The following RTN4RL1 variants were observed in gnomAD, a reference collection of about 807,000 sequenced individuals.
RTN4RL1 encodes reticulon 4 receptor like 1, also known as reticulon-4 receptor-like 1.
A neutral mutation model predicts 25.6 loss-of-function variants in RTN4RL1; 7 were observed. The ratio of observed to expected loss-of-function variants is 0.27; its 90% CI spans 0.16 to 0.51. The LOEUF is 0.51. RTN4RL1 is among the 20% of genes least tolerant of loss of function. The pLI, the probability that RTN4RL1 is intolerant of heterozygous loss-of-function variation, is 0.97. For synonymous variants in RTN4RL1, 297 were observed against 288.2 expected, an observed-to-expected ratio of 1.03 and a Z score of -0.31; for missense variants, 500 against 615.6, an observed-to-expected ratio of 0.81 and a Z score of 1.99.
In RTN4RL1 at chr17:1,998,849, G is replaced by A. The variant is rs967199402; in HGVS notation, c.13+26004C>T. 3.3e-5 allele frequency among the ~76,000 whole-genome samples: 5 copies of A among 151,852 alleles called. No individual in the cohort carries two copies. The highest frequency in any genetic ancestry group is 5.9e-5 in the Non-Finnish European group (4 of 67,996). On this transcript the variant is annotated intron_variant, in intron 1 of 1. Coordinates refer to ENST00000331238, the MANE Select transcript of RTN4RL1 (RefSeq NM_178568.4). This position sits in a 1 kb window ranked among gnomAD's most constrained non-coding sequence, Gnocchi z 4.9. ...GGACGCGGGTTTGACGCACTTTCCC[G>A]GCAGCCGAAGACGACCCCGGAGCCC...
At chr17:1,997,157 G>A (rs2066932959) in intron 1 of RTN4RL1, among the ~76,000 whole-genome samples, 1 of 152,210 alleles carries the variant, frequency 6.6e-6, no homozygotes, top group African/African-American at 2.4e-5. Flanking sequence ...ACTGCACTTA[G>A]AACAAAATCC....
chr17:1,974,299 G>C (rs935998474), intron 1 of RTN4RL1, among the ~76,000 whole-genome samples: 1 of 152,038 alleles, frequency 6.6e-6, no homozygotes, highest in Admixed American at 6.5e-5. Flanking sequence ...GCAGAGATGA[G>C]AGGATGGCTT....
At chr17:1,984,822 C>G (rs1297540087) in intron 1 of RTN4RL1, among the ~76,000 whole-genome samples, 1 of 152,118 alleles carries the variant, frequency 6.6e-6, no homozygotes, top group Non-Finnish European at 1.5e-5. Context: ...CAAAAATTAG[C>G]CGGGCGTGGT....
intron 1 of RTN4RL1, among the ~76,000 whole-genome samples, chr17:1,947,497 C>G (rs1915581310): frequency 6.6e-6 from 1 of 152,220 alleles, no homozygotes; most frequent in South Asian, 2.1e-4. Context: ...CAACTCCCGC[C>G]CTCCTCCCGA....
intron 1 of RTN4RL1, chr17:2,020,345 A>G (rs772828857): frequency 6.6e-6 from 1 of 152,196 alleles, no homozygotes; most frequent in African/African-American, 2.4e-5. Flanking sequence ...GGGCAGCTAC[A>G]TTACTATAGC....
chr17:2,005,766 CTTCT>C (rs1478346654), intron 1 of RTN4RL1, among the ~76,000 whole-genome samples: 15 of 96,178 alleles, frequency 1.6e-4, no homozygotes, highest in Non-Finnish European at 2.8e-4. Flanking sequence ...TCTCTCTCTC[CTTCT>C]CTTTCTTTTT....
intron 1 of RTN4RL1, among the ~76,000 whole-genome samples, chr17:1,963,208 A>G (rs2066773863): frequency 6.6e-6 from 1 of 152,180 alleles, no homozygotes; most frequent in African/African-American, 2.4e-5. Flanking sequence ...GGCCCTCCCC[A>G]GCCTCATCTT....
intron 1 of RTN4RL1, among the ~76,000 whole-genome samples, chr17:1,939,494 C>A (rs1464525701): frequency 6.6e-6 from 1 of 152,132 alleles, no homozygotes; most frequent in Non-Finnish European, 1.5e-5. Flanking sequence ...TCAGGCGAGG[C>A]TGCCCCAATC....
chr17:1,980,335 C>T (rs552764339), intron 1 of RTN4RL1, among the ~76,000 whole-genome samples: 3 of 151,874 alleles, frequency 2.0e-5, no homozygotes, highest in Non-Finnish European at 2.9e-5. Flanking sequence ...CCTCCCAAAC[C>T]GCTAAGATTA....
rs140077053 is a variant in RTN4RL1 at position 1,939,308 on chromosome 17, G to A, written c.14-1500C>T. ...GTGGAGCTTGCAGTGAGCTGAGATC[G>A]TGCCACTGCACTCCAGCCTGGGCGA... On this transcript the variant is annotated intron_variant, in intron 1 of 1. Transcript: ENST00000331238. 1.8e-3 allele frequency among the ~76,000 whole-genome samples: 270 copies of A among 152,052 alleles called. 10 individuals carry two copies. The East Asian group carries it at 0.042, about 24-fold the overall frequency.
chr17:2,013,480 C>T (rs996313626), intron 1 of RTN4RL1, among the ~76,000 whole-genome samples: 1 of 152,190 alleles, frequency 6.6e-6, no homozygotes, highest in Non-Finnish European at 1.5e-5. Context: ...ACAGAGCAGG[C>T]CAACTGTGCT....
intron 1 of RTN4RL1, among the ~76,000 whole-genome samples, chr17:1,973,268 G>A (rs1279542245): frequency 6.6e-6 from 1 of 152,000 alleles, no homozygotes; most frequent in Non-Finnish European, 1.5e-5. Flanking sequence ...GGGAGGCTGA[G>A]GTGGGAGAAT....
At chr17:1,957,992 T>G (rs7359650) in intron 1 of RTN4RL1, among the ~76,000 whole-genome samples, 1 of 151,456 alleles carries the variant, frequency 6.6e-6, no homozygotes, top group African/African-American at 2.4e-5. Flanking sequence ...GCCTGGGTAA[T>G]GCAGTGAGAC....
intron 1 of RTN4RL1, among the ~76,000 whole-genome samples, chr17:1,973,944 C>T (rs572812872): frequency 6.8e-6 from 1 of 146,974 alleles, no homozygotes; most frequent in African/African-American, 2.5e-5. Context: ...GAGGCTGAGG[C>T]AGGAGAATAG....
rs987326895 is a variant in RTN4RL1, at chr17:1,934,914, C to G, written c.*1582G>C. On this transcript the variant is annotated 3_prime_UTR_variant, in exon 2 of 2. Transcript: ENST00000331238. The surrounding 1 kb of genome is among the most constrained non-coding windows in gnomAD (Gnocchi z 4.0). Reference sequence around the variant, plus strand: ...CTTCTGACCCCTGAGTCCGGCCTCCCGAGCCTCTGCCTGCACCCTGAGCAT... The same window carrying G: ...CTTCTGACCCCTGAGTCCGGCCTCCGGAGCCTCTGCCTGCACCCTGAGCAT... 6 of 152,440 alleles carry G rather than the reference C, an allele frequency of 3.9e-5. No homozygotes were observed. The highest frequency in any genetic ancestry group is 1.4e-4 in the African/African-American group (6 of 41,436). The allele number at this position is 152,440 out of a possible 1,614,324, so 9.4% of individuals were successfully genotyped here. A position where few individuals can be genotyped will look rare whatever the true frequency, so the allele number is the denominator to read the frequency against.
In RTN4RL1 at chr17:1,998,839, G is replaced by A. The variant is rs1447950983; in HGVS notation, c.13+26014C>T. 6.6e-6 allele frequency among the ~76,000 whole-genome samples: 1 copy of A among 151,888 alleles called. No homozygotes were observed. Among genetic ancestry groups the A allele is most frequent in the Non-Finnish European group, 1.5e-5 (1 of 68,004 alleles). On this transcript the variant is annotated intron_variant, in intron 1 of 1. Coordinates refer to ENST00000331238, the MANE Select transcript of RTN4RL1 (RefSeq NM_178568.4). The surrounding 1 kb of genome is among the most constrained non-coding windows in gnomAD (Gnocchi z 4.9). The stretch of plus-strand genomic sequence containing the variant: ...AAAACGCTGGGGACGCGGGTTTGAC[G>A]CACTTTCCCGGCAGCCGAAGACGAC...
In RTN4RL1 at chr17:1,969,467, T is replaced by G. The variant is rs566841429; in HGVS notation, c.14-31659A>C. On this transcript the variant is annotated intron_variant, in intron 1 of 1. Transcript: ENST00000331238. ...TTTCCCTCATTTTTGTCCCCACTTC[T>G]AACTTCAGACCAACCAGAGAGAAAG... Among the ~76,000 whole-genome samples the G allele has an allele frequency of 8.9e-4, 135 of 152,272 alleles. 1 individual carries two copies. In the Middle Eastern group the frequency reaches 0.014, roughly 15 times the overall value.
At chr17:1,957,332 C>T (rs1567509022) in intron 1 of RTN4RL1, among the ~76,000 whole-genome samples, 1 of 152,068 alleles carries the variant, frequency 6.6e-6, no homozygotes, top group East Asian at 1.9e-4. Flanking sequence ...CCCAACTGGC[C>T]CGTGAGCTAT....
chr17:2,021,409 G>A (rs549911349), intron 1 of RTN4RL1, among the ~76,000 whole-genome samples: 1 of 152,198 alleles, frequency 6.6e-6, no homozygotes, highest in South Asian at 2.1e-4. Flanking sequence ...AGGATCTAGG[G>A]AGGGCTACCC....
Sources: gnomAD v4.1 joint callset for allele counts (sites outside exome capture counted in the v4.1 genomes callset) on GRCh38, gnomAD v4.1.1 for gene constraint, Gnocchi (gnomAD v3.1) non-coding constraint, MANE v1.5 for transcripts, NCBI Gene and HGNC (gene_info 2026-07-23, HGNC 2026-07-21) for gene names.